The following CPVL variants were observed in gnomAD, a reference collection of about 807,000 sequenced individuals.
CPVL encodes the protein carboxypeptidase vitellogenic like.
Under a neutral mutation model 63.7 loss-of-function variants are expected in CPVL, and 51 were observed. The ratio of observed to expected loss-of-function variants is 0.80; its 90% CI spans 0.64 to 1.01. The LOEUF is 1.01. Ranked by LOEUF, CPVL falls within the 50% of genes least tolerant of loss-of-function variation. The pLI is 0.00. For synonymous variants in CPVL, 195 were observed against 206.0 expected (o/e 0.95, Z 0.46); for missense variants, 530 against 573.1 (o/e 0.92, Z 0.77).
At chr7:29,112,858 GA>G in intron 2 of CPVL, 36 bp from the exon 3 acceptor site, 1 of 1,406,570 alleles carries the variant, frequency 7.1e-7, no homozygotes, top group Non-Finnish European at 1.0e-6. Flanking sequence ...AAGGATTACA[GA>G]AAACAATAAC....
chr7:29,160,470 C>T (rs1011401030), intron 5 of CPVL, among the ~76,000 whole-genome samples: 1 of 152,184 alleles, frequency 6.6e-6, no homozygotes, highest in Non-Finnish European at 1.5e-5. Flanking sequence ...CCTAGTCAGT[C>T]ATGGCTACCC....
chr7:29,182,420 T>C (rs1404002233), intron 4 of CPVL, among the ~76,000 whole-genome samples: 13 of 152,202 alleles, frequency 8.5e-5, no homozygotes, highest in Admixed American at 8.5e-4. Flanking sequence ...AGAATAGGGC[T>C]ATGGGGACCC....
chr7:29,072,048 T>C (rs1330131739), intron 8 of CPVL, 144 bp from the exon 9 acceptor site: 4 of 964,864 alleles, frequency 4.1e-6, no homozygotes, highest in African/African-American at 3.3e-5. Context: ...CACACACACA[T>C]ATACACCCCA....
chr7:29,153,595 TCTCA>T (rs1793916184), intron 5 of CPVL, among the ~76,000 whole-genome samples: 1 of 152,050 alleles, frequency 6.6e-6, no homozygotes. Context: ...TTAGACAGAG[TCTCA>T]CTCACTTTTG....
In CPVL at chr7:29,064,075, T is replaced by A; in HGVS notation, c.1123A>T (p.Met375Leu). Residue 375 changes from methionine to leucine, a missense_variant, in exon 11 of 13, where the codon ATG (methionine) becomes TTG (leucine). Coordinates refer to ENST00000265394, the MANE Select transcript of CPVL (RefSeq NM_031311.5). Reference sequence around the variant, plus strand: ...AGCTCTCTTACCTTATAATTATTCATGATTTCAGTTAACCATGGCTTAACT... The same window carrying A: ...AGCTCTCTTACCTTATAATTATTCAAGATTTCAGTTAACCATGGCTTAACT... ...QSVKPWLTEI[M>L]NNYKVLIYNG... The A allele has an allele frequency of 6.2e-7, 1 of 1,611,284 alleles. No individual in the cohort carries two copies. The highest frequency in any genetic ancestry group is 8.5e-7 in the Non-Finnish European group (1 of 1,177,694).
At chr7:28,997,649 A>G (rs1318717514) in intron 12 of CPVL, among the ~76,000 whole-genome samples, 1 of 152,186 alleles carries the variant, frequency 6.6e-6, no homozygotes, top group African/African-American at 2.4e-5. Context: ...TAAGTGAGAT[A>G]ACTAGCTAGA....
At chr7:29,017,376 G>A (rs1335064225) in intron 12 of CPVL, among the ~76,000 whole-genome samples, 1 of 152,262 alleles carries the variant, frequency 6.6e-6, no homozygotes, top group Non-Finnish European at 1.5e-5. Flanking sequence ...GCTCACGCCT[G>A]TAATCCCAGC....
chr7:29,066,720 C>T (rs1783169636), intron 9 of CPVL, among the ~76,000 whole-genome samples: 1 of 152,160 alleles, frequency 6.6e-6, no homozygotes, highest in South Asian at 2.1e-4. Context: ...GGATATGGTG[C>T]AGATGCAGGT....
At chr7:29,092,749 C>G in intron 5 of CPVL, 47 bp from the exon 6 acceptor site, 1 of 1,297,244 alleles carries the variant, frequency 7.7e-7, no homozygotes, top group South Asian at 1.2e-5. Context: ...GAAACACATG[C>G]CTTAGGGACC....
intron 7 of CPVL, among the ~76,000 whole-genome samples, chr7:29,077,494 G>C (rs1014844174): frequency 6.6e-6 from 1 of 152,094 alleles, no homozygotes; most frequent in African/African-American, 2.4e-5. Flanking sequence ...GGTGGAAAGA[G>C]GGAGTTGTCA....
intron 5 of CPVL, among the ~76,000 whole-genome samples, chr7:29,152,419 A>T (rs1389903485): frequency 1.3e-5 from 2 of 152,194 alleles, no homozygotes; most frequent in East Asian, 3.8e-4. Context: ...CTCTATTCTC[A>T]GTTCCTGGCT....
chr7:29,001,584 C>A (rs1207215070), intron 12 of CPVL, among the ~76,000 whole-genome samples: 1 of 152,184 alleles, frequency 6.6e-6, no homozygotes, highest in African/African-American at 2.4e-5. Context: ...TGCAATAAGT[C>A]ACTTTCGAAA....
chr7:29,111,860 G>C (rs758989461), intron 3 of CPVL, among the ~76,000 whole-genome samples: 6 of 152,126 alleles, frequency 3.9e-5, no homozygotes, highest in Non-Finnish European at 8.8e-5. Context: ...CCCTCCATAG[G>C]GATAGCTTTT....
chr7:29,150,247 C>A (rs751209183), upstream of CPVL, among the ~76,000 whole-genome samples: 5 of 152,200 alleles, frequency 3.3e-5, no homozygotes, highest in African/African-American at 7.2e-5. Context: ...TACTTAATCT[C>A]AGTTTTCTCA....
At chr7:29,040,750 G>T (rs1788984871) in intron 11 of CPVL, among the ~76,000 whole-genome samples, 1 of 152,156 alleles carries the variant, frequency 6.6e-6, no homozygotes, top group Non-Finnish European at 1.5e-5. Flanking sequence ...GGAACAGCAA[G>T]TTTGAGTCAG....
At chr7:29,135,813 C>A (rs1357540946) in intron 1 of CPVL, among the ~76,000 whole-genome samples, 1 of 152,318 alleles carries the variant, frequency 6.6e-6, no homozygotes, top group Admixed American at 6.5e-5. Flanking sequence ...ATCATCCCAC[C>A]TTAGCCTCCC....
At chr7:29,108,921 C>T (rs766007163) in intron 3 of CPVL, among the ~76,000 whole-genome samples, 4 of 152,186 alleles carry the variant, frequency 2.6e-5, no homozygotes, top group Non-Finnish European at 4.4e-5. Flanking sequence ...TAACACATGA[C>T]GGCCAAGCTC....
chr7:29,186,454 C>T (rs545830730), exon 2 of CPVL: 2 of 152,174 alleles, frequency 1.3e-5, no homozygotes, highest in Admixed American at 6.6e-5. Flanking sequence ...TGCCTGTAGT[C>T]CCAGCTGCTT....
intron 2 of CPVL, among the ~76,000 whole-genome samples, chr7:29,116,249 C>A (rs323179): frequency 0.036 from 5,527 of 152,252 alleles, 328 homozygotes; most frequent in African/African-American, 0.13. Flanking sequence ...GAACTTTTCT[C>A]TAGCCCATAA....
Sources: allele counts gnomAD v4.1 joint callset (sites outside exome capture counted in the v4.1 genomes callset), GRCh38; gene constraint gnomAD v4.1.1; transcripts MANE v1.5; gene names NCBI Gene and HGNC (gene_info 2026-07-23, HGNC 2026-07-21).